The following NRXN1 variants were observed in gnomAD, a reference collection of about 807,000 sequenced individuals.
The protein encoded by NRXN1 is neurexin 1.
A neutral mutation model predicts 150.9 loss-of-function variants in NRXN1; 39 were observed. The observed-to-expected ratio is 0.26, with a 90% CI of 0.20 to 0.34. The LOEUF is 0.34. Ranked by LOEUF, NRXN1 falls within the 10% of genes least tolerant of loss-of-function variation. The pLI is 1.00. For synonymous variants in NRXN1, 924 were observed against 757.0 expected, an observed-to-expected ratio of 1.22 and a Z score of -3.62; for missense variants, 1,815 against 1,949.9, an observed-to-expected ratio of 0.93 and a Z score of 1.30.
rs115974453 is a variant in NRXN1, at chr2:50,147,634, A to G, written c.3547-56140T>C. ...AGTCACGTGTGGAAAAAACAAAACT[A>G]CACCCTGCATTATAAACACCATTCT... On this transcript the variant is annotated intron_variant, in intron 18 of 22. Coordinates refer to ENST00000401669, the MANE Select transcript of NRXN1 (RefSeq NM_001330078.2). 3.7e-3 allele frequency among the ~76,000 whole-genome samples: 558 copies of G among 151,788 alleles called. 5 individuals carry two copies. Among genetic ancestry groups the G allele is most frequent in the African/African-American group, 0.013 (536 of 41,496 alleles).
At chr2:50,217,968 T>G (rs763621505) in intron 18 of NRXN1, among the ~76,000 whole-genome samples, 1 of 151,990 alleles carries the variant, frequency 6.6e-6, no homozygotes, top group Non-Finnish European at 1.5e-5. Context: ...GTATCTCAAT[T>G]TAGCTCATTA....
intron 1 of NRXN1, among the ~76,000 whole-genome samples, chr2:51,030,145 A>T (rs1671255235): frequency 6.6e-6 from 1 of 152,020 alleles, no homozygotes; most frequent in South Asian, 2.1e-4. Flanking sequence ...CCAAAAAATT[A>T]CTCTTACCTT....
chr2:50,260,891 T>C (rs1252746289), intron 17 of NRXN1, among the ~76,000 whole-genome samples: 1 of 151,676 alleles, frequency 6.6e-6, no homozygotes, highest in Non-Finnish European at 1.5e-5. Flanking sequence ...CCTCTACGGC[T>C]CCTCCAAAGT....
intron 6 of NRXN1, 56 bp from the exon 7 acceptor site, chr2:50,621,305 G>A (rs1194426439): frequency 1.7e-5 from 23 of 1,370,830 alleles, no homozygotes; most frequent in East Asian, 1.0e-4. Context: ...AATAACGATC[G>A]TTACTTAAAA....
intron 5 of NRXN1, among the ~76,000 whole-genome samples, chr2:50,686,506 G>T (rs916046238): frequency 6.6e-6 from 1 of 152,044 alleles, no homozygotes; most frequent in African/African-American, 2.4e-5. Context: ...CTTGTTTCAG[G>T]CCTTCTGCCC....
chr2:50,313,163 A>G (rs560874053), intron 17 of NRXN1, among the ~76,000 whole-genome samples: 2 of 152,220 alleles, frequency 1.3e-5, no homozygotes, highest in East Asian at 3.9e-4. Context: ...ACTATAGTAC[A>G]TATTCTAATA....
chr2:51,011,709 G>C (rs1667903594), intron 2 of NRXN1, among the ~76,000 whole-genome samples: 1 of 151,980 alleles, frequency 6.6e-6, no homozygotes, highest in African/African-American at 2.4e-5. Context: ...AATGAGTCTG[G>C]ATAAGGAGAC....
intron 18 of NRXN1, among the ~76,000 whole-genome samples, chr2:50,159,709 G>C (rs2059244797): frequency 6.6e-6 from 1 of 152,040 alleles, no homozygotes; most frequent in African/African-American, 2.4e-5. Context: ...TGCATAGAAA[G>C]GGCTGTGAAA....
At chr2:50,786,091 C>T (rs1705075889) in intron 5 of NRXN1, among the ~76,000 whole-genome samples, 1 of 151,964 alleles carries the variant, frequency 6.6e-6, no homozygotes, top group Non-Finnish European at 1.5e-5. Flanking sequence ...ATAATGACTG[C>T]AGACTCCAGA....
chr2:50,301,362 T>C (rs771369715), intron 17 of NRXN1, among the ~76,000 whole-genome samples: 9 of 152,224 alleles, frequency 5.9e-5, no homozygotes, highest in Non-Finnish European at 1.2e-4. Context: ...AGAGGTTATA[T>C]GGTTGATCCA....
chr2:50,591,435 GAT>G, intron 8 of NRXN1, among the ~76,000 whole-genome samples: 1 of 145,150 alleles, frequency 6.9e-6, no homozygotes, highest in East Asian at 2.0e-4. Context: ...TAGATAGATA[GAT>G]AGATGTATAC....
At chr2:50,384,771 G>C (rs2081212839) in intron 17 of NRXN1, among the ~76,000 whole-genome samples, 2 of 151,900 alleles carry the variant, frequency 1.3e-5, no homozygotes, top group Admixed American at 6.6e-5. Context: ...ATTACTTTTA[G>C]AGCCACATAC....
intron 5 of NRXN1, among the ~76,000 whole-genome samples, chr2:50,736,798 C>T (rs11887465): frequency 0.2 from 30,666 of 151,964 alleles, 3,353 homozygotes; most frequent in Non-Finnish European, 0.25. Context: ...TTATCAGGAG[C>T]GTGAAAACGA....
intron 17 of NRXN1, among the ~76,000 whole-genome samples, chr2:50,459,875 C>A (rs985919): frequency 0.49 from 74,795 of 151,912 alleles, 23,003 homozygotes; most frequent in East Asian, 0.91. Flanking sequence ...CAAGTGTCAA[C>A]AGTTAGCACC....
chr2:50,568,979 C>A (rs772045850), intron 8 of NRXN1, among the ~76,000 whole-genome samples: 1 of 152,044 alleles, frequency 6.6e-6, no homozygotes, highest in Non-Finnish European at 1.5e-5. Context: ...GAATGGGATT[C>A]TGTCATTTGT....
chr2:50,127,290 C>T (rs1344589780), intron 18 of NRXN1, among the ~76,000 whole-genome samples: 1 of 152,144 alleles, frequency 6.6e-6, no homozygotes, highest in Admixed American at 6.5e-5. Context: ...TTTACATTTA[C>T]ACCAAAACAC....
At chr2:50,413,714 AAG>A (rs2083346456) in intron 17 of NRXN1, among the ~76,000 whole-genome samples, 1 of 152,142 alleles carries the variant, frequency 6.6e-6, no homozygotes. Flanking sequence ...CAGTATATCA[AAG>A]AGACATCTGC....
intron 18 of NRXN1, among the ~76,000 whole-genome samples, chr2:50,151,877 AAAATAG>A (rs1408428825): frequency 2.0e-5 from 3 of 151,966 alleles, no homozygotes; most frequent in Admixed American, 6.6e-5. Context: ...AAAGCAAACA[AAAATAG>A]AAATAAAGAG....
chr2:50,746,366 T>TG (rs933119112), intron 5 of NRXN1, among the ~76,000 whole-genome samples: 5 of 152,154 alleles, frequency 3.3e-5, no homozygotes, highest in African/African-American at 1.2e-4. Flanking sequence ...GAGACCAGCC[T>TG]GGGCAACATA....
Sources: gnomAD v4.1 joint callset for allele counts (sites outside exome capture counted in the v4.1 genomes callset) on GRCh38, gnomAD v4.1.1 for gene constraint, MANE v1.5 for transcripts, NCBI Gene and HGNC (gene_info 2026-07-23, HGNC 2026-07-21) for gene names.